CTNNA2: variants seen among roughly 807,000 people sequenced by gnomAD.
CTNNA2 encodes catenin alpha-2.
In CTNNA2, 42 loss-of-function variants were observed where a neutral mutation model predicts 101.0. The observed-to-expected ratio is 0.42, with a 90% CI of 0.32 to 0.54. The LOEUF (loss-of-function observed/expected upper bound fraction) is 0.54, where lower values mean the gene tolerates loss of function less well. CTNNA2 is among the 20% of genes least tolerant of loss of function. CTNNA2 has a pLI of 0.14. For missense variants in CTNNA2, 871 were observed against 1,223.1 expected (o/e 0.71, Z 4.29); for synonymous variants, 450 against 456.4 (o/e 0.99, Z 0.18).
At chr2:79,630,531 T>A (rs1679619345) in intron 1 of CTNNA2, among the ~76,000 whole-genome samples, 1 of 152,188 alleles carries the variant, frequency 6.6e-6, no homozygotes, top group Non-Finnish European at 1.5e-5. Context: ...CTGGTCCCAA[T>A]TATAAAGAAA....
At chr2:79,301,241 A>G (rs566828270) in intron 2 of CTNNA2, among the ~76,000 whole-genome samples, 1 of 152,320 alleles carries the variant, frequency 6.6e-6, no homozygotes, top group South Asian at 2.1e-4. Flanking sequence ...CCAATTCCAT[A>G]CAGGCCTTCT....
chr2:79,735,450 C>T (rs546218599), intron 2 of CTNNA2, among the ~76,000 whole-genome samples: 6 of 152,196 alleles, frequency 3.9e-5, no homozygotes, highest in Middle Eastern at 6.8e-3. Context: ...GCCACAGAAA[C>T]TTTAGCCTAG....
At chr2:79,425,983 G>T (rs1678588878) in intron 4 of CTNNA2, among the ~76,000 whole-genome samples, 1 of 152,094 alleles carries the variant, frequency 6.6e-6, no homozygotes, top group African/African-American at 2.4e-5. Flanking sequence ...TAGGCTTTTT[G>T]ATTTTGTGGA....
At chr2:79,477,159 CTT>C (rs1273995759) in intron 4 of CTNNA2, among the ~76,000 whole-genome samples, 1 of 110,930 alleles carries the variant, frequency 9.0e-6, no homozygotes, top group Non-Finnish European at 2.0e-5. Flanking sequence ...TCTTTTTTTT[CTT>C]TTTTTTCTTT....
In CTNNA2 at chr2:79,873,629, T is replaced by C. The variant is rs546598213; in HGVS notation, c.586-447T>C. On this transcript the variant is annotated intron_variant, in intron 5 of 18. Coordinates refer to ENST00000402739, the MANE Select transcript of CTNNA2 (RefSeq NM_001282597.3). ...AGAAGGGACAGTAGGCCAGGTGTGG[T>C]TGCTCATGGCTGTCATTCCAGCACT... 2.0e-5 allele frequency among the ~76,000 whole-genome samples: 3 copies of C among 152,216 alleles called. No homozygotes were observed. The South Asian group carries it at 6.2e-4, about 32-fold the overall frequency.
At chr2:80,306,576 G>A (rs1194533350) in intron 7 of CTNNA2, among the ~76,000 whole-genome samples, 1 of 151,920 alleles carries the variant, frequency 6.6e-6, no homozygotes, top group African/African-American at 2.4e-5. Flanking sequence ...CCAAGGTGCT[G>A]CGGAACACTT....
intron 9 of CTNNA2, among the ~76,000 whole-genome samples, chr2:80,541,967 A>C (rs1691601922): frequency 6.6e-6 from 1 of 151,260 alleles, no homozygotes; most frequent in African/African-American, 2.4e-5. Flanking sequence ...ACTGTCACTC[A>C]GCTTCAACAA....
intron 2 of CTNNA2, among the ~76,000 whole-genome samples, chr2:79,252,144 A>G (rs1347522834): frequency 6.6e-6 from 1 of 152,204 alleles, no homozygotes; most frequent in East Asian, 1.9e-4. Flanking sequence ...TTATGCCTGA[A>G]ATGCATTCAG....
intron 7 of CTNNA2, among the ~76,000 whole-genome samples, chr2:80,126,304 T>C (rs1320098079): frequency 6.6e-6 from 1 of 152,092 alleles, no homozygotes; most frequent in Non-Finnish European, 1.5e-5. Context: ...GGGTTTAAAA[T>C]GACTGTTTTA....
chr2:80,103,031 C>T (rs965870809), intron 7 of CTNNA2, among the ~76,000 whole-genome samples: 1 of 152,116 alleles, frequency 6.6e-6, no homozygotes, highest in Non-Finnish European at 1.5e-5. Flanking sequence ...TTCAGTAGCT[C>T]CTGCTCATAT....
intron 2 of CTNNA2, among the ~76,000 whole-genome samples, chr2:79,302,868 A>G (rs1218312839): frequency 6.6e-6 from 1 of 152,196 alleles, no homozygotes; most frequent in Non-Finnish European, 1.5e-5. Context: ...GATTTACTTG[A>G]CCAATTTAAT....
chr2:79,578,203 A>G (rs1197671581), intron 1 of CTNNA2, among the ~76,000 whole-genome samples: 2 of 152,148 alleles, frequency 1.3e-5, no homozygotes, highest in Non-Finnish European at 2.9e-5. Context: ...TGTCCTGTTT[A>G]GATATTTGGT....
intron 7 of CTNNA2, among the ~76,000 whole-genome samples, chr2:80,141,935 C>A (rs1011768636): frequency 6.6e-6 from 1 of 150,680 alleles, no homozygotes; most frequent in Admixed American, 6.6e-5. Context: ...TTTCAGAAAT[C>A]CAGATCCCCA....
At position 80,563,529 on chromosome 2, in the gene CTNNA2, A is replaced by G. The variant is rs147040505; in HGVS notation, c.1741+7636A>G. Reference sequence around the variant, plus strand: ...ATATGGCCAGAGTAGTCTCCAGATGACCTCCTTGCCAAATTTTAAATTTGT... The same window carrying G: ...ATATGGCCAGAGTAGTCTCCAGATGGCCTCCTTGCCAAATTTTAAATTTGT... On this transcript the variant is annotated intron_variant, in intron 12 of 18. Coordinates refer to ENST00000402739, the MANE Select transcript of CTNNA2 (RefSeq NM_001282597.3). Among the ~76,000 whole-genome samples, 1,241 of 152,148 alleles carry G rather than the reference A, an allele frequency of 8.2e-3. 16 individuals are homozygous for G. Among genetic ancestry groups the G allele is most frequent in the African/African-American group, 0.029 (1,208 of 41,524 alleles).
chr2:79,506,847 T>C (rs1671423896), intron 5 of CTNNA2, among the ~76,000 whole-genome samples: 1 of 152,210 alleles, frequency 6.6e-6, no homozygotes, highest in Non-Finnish European at 1.5e-5. Flanking sequence ...GGTTTTGTAC[T>C]TCAAAGCATC....
intron 2 of CTNNA2, among the ~76,000 whole-genome samples, chr2:79,735,332 G>T (rs1357252954): frequency 2.0e-5 from 3 of 152,112 alleles, no homozygotes; most frequent in Non-Finnish European, 2.9e-5. Context: ...CTTTGTCTTG[G>T]CTCGTAGACA....
At chr2:80,384,403 C>T (rs560292217) in intron 7 of CTNNA2, among the ~76,000 whole-genome samples, 2 of 150,520 alleles carry the variant, frequency 1.3e-5, no homozygotes, top group Admixed American at 6.6e-5. Flanking sequence ...GCATGTGTAT[C>T]CCCGAACCTC....
chr2:80,565,260 A>G (rs1693953828), intron 12 of CTNNA2, among the ~76,000 whole-genome samples: 1 of 152,142 alleles, frequency 6.6e-6, no homozygotes, highest in Non-Finnish European at 1.5e-5. Context: ...ATGGAACACC[A>G]TGTTTAACAT....
At chr2:80,320,306 T>C (rs1349203813) in intron 7 of CTNNA2, among the ~76,000 whole-genome samples, 1 of 152,264 alleles carries the variant, frequency 6.6e-6, no homozygotes, top group Non-Finnish European at 1.5e-5. Flanking sequence ...GCTTATAGCA[T>C]TGCCATTTCT....
Sources: gnomAD v4.1 joint callset for allele counts (sites outside exome capture counted in the v4.1 genomes callset) on GRCh38, gnomAD v4.1.1 for gene constraint, MANE v1.5 for transcripts, NCBI Gene and HGNC (gene_info 2026-07-23, HGNC 2026-07-21) for gene names.